The following CMTM4 variants were observed in gnomAD, a reference collection of about 807,000 sequenced individuals.
CMTM4 encodes the protein CKLF like MARVEL transmembrane domain containing 4, also known as CKLF-like MARVEL transmembrane domain-containing protein 4.
A neutral mutation model predicts 19.0 loss-of-function variants in CMTM4; 8 were observed. That is an observed-to-expected ratio of 0.42 (90% CI 0.25 to 0.76). The LOEUF (loss-of-function observed/expected upper bound fraction) is 0.76. CMTM4 is among the 30% of genes least tolerant of loss of function. The pLI, the probability that CMTM4 is intolerant of heterozygous loss-of-function variation, is 0.27. For missense variants in CMTM4, 228 were observed against 290.2 expected (o/e 0.79, Z 1.56); for synonymous variants, 106 against 121.1 (o/e 0.88, Z 0.82).
chr16:66,630,135 G>A (rs1019276261), intron 2 of CMTM4, among the ~76,000 whole-genome samples: 1 of 152,052 alleles, frequency 6.6e-6, no homozygotes, highest in Non-Finnish European at 1.5e-5. Flanking sequence ...TGTGGGACTG[G>A]GCCCTCGTCT....
chr16:66,613,422 C>T, downstream of CMTM4: 1 of 378,374 alleles, frequency 2.6e-6, no homozygotes, highest in East Asian at 4.4e-5. Flanking sequence ...TCCTAGAGCC[C>T]AGCCAGCAGG....
chr16:66,640,197 A>G (rs2016073707), intron 1 of CMTM4, among the ~76,000 whole-genome samples: 2 of 152,146 alleles, frequency 1.3e-5, no homozygotes, highest in African/African-American at 2.4e-5. Flanking sequence ...GCTACTCCGG[A>G]GGCTGAAACA....
intron 1 of CMTM4, among the ~76,000 whole-genome samples, chr16:66,683,286 CTT>C (rs781263895): frequency 5.1e-5 from 4 of 78,840 alleles, no homozygotes; most frequent in African/African-American, 2.0e-4. Context: ...TTTTTCTTTT[CTT>C]TTTTTTTTTT....
intron 1 of CMTM4, among the ~76,000 whole-genome samples, chr16:66,682,500 G>T (rs1391906682): frequency 2.0e-5 from 3 of 151,938 alleles, no homozygotes; most frequent in African/African-American, 7.3e-5. Flanking sequence ...TCATCAAATC[G>T]CAGTGGCAGT....
Position 66,622,030 on chromosome 16 carries a change from C to T in CMTM4, c.*28G>A, listed in dbSNP as rs184135491. 5 of 1,543,610 alleles carry T rather than the reference C, an allele frequency of 3.2e-6. No homozygotes were observed. The highest frequency in any genetic ancestry group is 2.4e-5 in the East Asian group (1 of 41,294). ...CTTGACTGAGAGACAGGCACGAGGACGGGAGGGAGGAGGATCCAGGCAGGT... is the reference window on the plus strand; with the variant it reads ...CTTGACTGAGAGACAGGCACGAGGATGGGAGGGAGGAGGATCCAGGCAGGT... On this transcript the variant is annotated 3_prime_UTR_variant, in exon 4 of 4. Coordinates refer to ENST00000394106, the MANE Select transcript of CMTM4 (RefSeq NM_181521.3). The surrounding 1 kb of genome is among the most constrained non-coding windows in gnomAD (Gnocchi z 4.0).
rs1157068474 is a variant in CMTM4 at position 66,696,318 on chromosome 16, TG to T, written c.186+21del. ...TGCGGCTAGGCCGCCCTCGGGCACC[TG>T]GGGCCCCGCCCGGCACCTACCACTT... is the stretch of plus-strand genomic sequence containing the variant. On this transcript the variant is annotated intron_variant, in intron 1 of 3. Coordinates refer to ENST00000394106, the MANE Select transcript of CMTM4 (RefSeq NM_181521.3). This position sits in a 1 kb window ranked among gnomAD's most constrained non-coding sequence, Gnocchi z 4.3. 3 of 1,318,874 alleles carry T rather than the reference TG, an allele frequency of 2.3e-6. No individual in the cohort carries two copies. Among genetic ancestry groups the T allele is most frequent in the South Asian group, 1.9e-5 (1 of 52,088 alleles). The allele number at this position is 1,318,874 out of a possible 1,614,324, so 81.7% of individuals were successfully genotyped here.
chr16:66,652,209 C>T (rs1365499041), intron 1 of CMTM4, among the ~76,000 whole-genome samples: 1 of 152,184 alleles, frequency 6.6e-6, no homozygotes, highest in Non-Finnish European at 1.5e-5. Context: ...TCCAAGGACT[C>T]AGGATGGTGA....
intron 1 of CMTM4, among the ~76,000 whole-genome samples, chr16:66,662,015 T>C (rs1485948171): frequency 2.0e-5 from 3 of 152,036 alleles, no homozygotes; most frequent in Non-Finnish European, 4.4e-5. Flanking sequence ...CATGCCACCG[T>C]GATTCATCTC....
chr16:66,608,556 T>TCCAGCACA, the CMTM4 span: 2 of 1,323,516 alleles, frequency 1.5e-6, no homozygotes, highest in Non-Finnish European at 2.1e-6. This position sits in a 1 kb window ranked among gnomAD's most constrained non-coding sequence, Gnocchi z 5.1. Context: ...TTATCCTTTC[T>TCCAGCACA]CTAGTGTGCT....
At chr16:66,644,518 C>T (rs2016153927) in intron 1 of CMTM4, among the ~76,000 whole-genome samples, 1 of 151,828 alleles carries the variant, frequency 6.6e-6, no homozygotes, top group East Asian at 1.9e-4. Flanking sequence ...CAAAAGAAGG[C>T]CCCCCCTTTG....
Position 66,648,889 on chromosome 16 carries a change from T to C in CMTM4, c.187-12308A>G, listed in dbSNP as rs1384587794. Among the ~76,000 whole-genome samples the C allele has an allele frequency of 2.6e-5, 4 of 152,124 alleles. No homozygotes were observed. The East Asian group carries it at 7.7e-4, about 29-fold the overall frequency. ...CAGGAAGCTGAGGCAGGAGAATCGCTTGAACCCAAAAGGCAGAGGTTACAG... is the reference window on the plus strand; with the variant it reads ...CAGGAAGCTGAGGCAGGAGAATCGCCTGAACCCAAAAGGCAGAGGTTACAG... On this transcript the variant is annotated intron_variant, in intron 1 of 3. Coordinates refer to ENST00000394106, the MANE Select transcript of CMTM4 (RefSeq NM_181521.3).
Position 66,696,324 on chromosome 16 carries a change from C to T in CMTM4, c.186+16G>A, listed in dbSNP as rs1336237788. On this transcript the variant is annotated intron_variant, in intron 1 of 3. Transcript: ENST00000394106. This position sits in a 1 kb window ranked among gnomAD's most constrained non-coding sequence, Gnocchi z 4.3. ...TAGGCCGCCCTCGGGCACCTGGGGC[C>T]CCGCCCGGCACCTACCACTTGGGCG... 20 of 1,329,786 alleles carry T rather than the reference C, an allele frequency of 1.5e-5. No individual in the cohort carries two copies. The highest frequency in any genetic ancestry group is 1.8e-5 in the South Asian group (1 of 54,162). The allele number at this position is 1,329,786 out of a possible 1,614,324, so 82.4% of individuals were successfully genotyped here.
At position 66,614,979 on chromosome 16, in the gene CMTM4, A is replaced by G. The variant is rs994077727; in HGVS notation, c.*7079T>C. On this transcript the variant is annotated 3_prime_UTR_variant, in exon 4 of 4. Coordinates refer to ENST00000394106, the MANE Select transcript of CMTM4 (RefSeq NM_181521.3). The surrounding 1 kb of genome is among the most constrained non-coding windows in gnomAD (Gnocchi z 4.9). ...TGTCGGGGACAAATCAATAGCAGCA[A>G]AGCTTTGGGGCCCCAACCCACTCCA... The G allele has an allele frequency of 2.0e-5, 3 of 152,226 alleles. No individual in the cohort carries two copies. The highest frequency in any genetic ancestry group is 4.4e-5 in the Non-Finnish European group (3 of 68,046). 9.4% of individuals were successfully genotyped at this position (152,226 alleles called of 1,614,324 possible).
At chr16:66,652,815 T>C (rs1025487751) in intron 1 of CMTM4, among the ~76,000 whole-genome samples, 11 of 152,230 alleles carry the variant, frequency 7.2e-5, no homozygotes, top group Non-Finnish European at 1.5e-4. Flanking sequence ...TAACTGCACA[T>C]GATTTCAGAA....
At chr16:66,643,022 G>A (rs2016125858) in intron 1 of CMTM4, among the ~76,000 whole-genome samples, 1 of 152,204 alleles carries the variant, frequency 6.6e-6, no homozygotes, top group African/African-American at 2.4e-5. Flanking sequence ...CCGGGTTCAA[G>A]TGATTGTCCT....
chr16:66,685,712 T>TGGCTCACTGCAACCTC (rs2017018463), intron 1 of CMTM4, among the ~76,000 whole-genome samples: 1 of 152,168 alleles, frequency 6.6e-6, no homozygotes, highest in Admixed American at 6.5e-5. Flanking sequence ...GGTGCAATTT[T>TGGCTCACTGCAACCTC]GGCTCACTGC....
intron 1 of CMTM4, 130 bp from the exon 2 acceptor site, chr16:66,636,711 T>G: frequency 1.4e-6 from 1 of 717,692 alleles, no homozygotes; most frequent in Non-Finnish European, 2.3e-6. Context: ...GGGACAGCAG[T>G]GTAACTGTCG....
At chr16:66,686,272 A>T (rs899413335) in intron 1 of CMTM4, among the ~76,000 whole-genome samples, 3 of 149,696 alleles carry the variant, frequency 2.0e-5, no homozygotes, top group African/African-American at 7.4e-5. Context: ...AAAAAACAAC[A>T]AAGTTCCAGC....
Position 66,636,571 on chromosome 16 carries a change from A to G in CMTM4, c.197T>C (p.Leu66Pro). 1 of 1,614,084 alleles carries G rather than the reference A, an allele frequency of 6.2e-7. No homozygotes were observed. Among genetic ancestry groups the G allele is most frequent in the Non-Finnish European group, 8.5e-7 (1 of 1,179,930 alleles). Reference sequence around the variant, plus strand: ...GGTCTCTATGCAGATGAATGCAATCAGGGCCAAGATCTAGGAAGAAAATTG... The same window carrying G: ...GGTCTCTATGCAGATGAATGCAATCGGGGCCAAGATCTAGGAAGAAAATTG... ...RLKVAQVILA[L>P]IAFICIETIM... Residue 66 changes from leucine to proline, a missense_variant, in exon 2 of 4, where the codon CTG becomes CCG. This residue lies in a region of CMTM4 where 200 missense variants were observed against 226.6 expected (regional missense o/e 0.88). Coordinates refer to ENST00000394106, the MANE Select transcript of CMTM4 (RefSeq NM_181521.3).
Sources: allele counts gnomAD v4.1 joint callset (sites outside exome capture counted in the v4.1 genomes callset), GRCh38; gene constraint gnomAD v4.1.1; regional missense constraint gnomAD v4.1.1; non-coding constraint Gnocchi (gnomAD v3.1); transcripts MANE v1.5; gene names NCBI Gene and HGNC (gene_info 2026-07-23, HGNC 2026-07-21).